CCDC158: variants seen among roughly 807,000 people sequenced by gnomAD.
The protein encoded by CCDC158 is coiled-coil domain containing 158.
Under a neutral mutation model 138.6 loss-of-function variants are expected in CCDC158, and 116 were observed. That is an observed-to-expected ratio of 0.84 (90% CI 0.72 to 0.98). The LOEUF is 0.98. Among genes scored for constraint, CCDC158 ranks in the 50% least tolerant of loss-of-function variants. The pLI, the probability that CCDC158 is intolerant of heterozygous loss-of-function variation, is 0.00. For missense variants in CCDC158, 1,265 were observed against 1,306.1 expected (o/e 0.97, Z 0.48); for synonymous variants, 436 against 442.4 (o/e 0.99, Z 0.18).
intron 4 of CCDC158, among the ~76,000 whole-genome samples, chr4:76,391,861 A>G (rs1156717002): frequency 6.6e-6 from 1 of 152,036 alleles, no homozygotes; most frequent in Non-Finnish European, 1.5e-5. Flanking sequence ...ATAAATTCAA[A>G]GGATAATTTG....
intron 24 of CCDC158, among the ~76,000 whole-genome samples, chr4:76,320,799 C>A (rs1363913105): frequency 6.6e-6 from 1 of 152,114 alleles, no homozygotes; most frequent in African/African-American, 2.4e-5. Context: ...GACCTGAAAC[C>A]ACAAAAATTC....
intron 18 of CCDC158, among the ~76,000 whole-genome samples, chr4:76,338,487 G>C (rs1721752678): frequency 6.6e-6 from 1 of 152,178 alleles, no homozygotes; most frequent in African/African-American, 2.4e-5. Flanking sequence ...ATTCCAGCCT[G>C]AGCAACAGAG....
intron 12 of CCDC158, among the ~76,000 whole-genome samples, chr4:76,362,964 G>A (rs1350738101): frequency 6.6e-6 from 1 of 152,172 alleles, no homozygotes; most frequent in African/African-American, 2.4e-5. Context: ...TGTGCAGAAA[G>A]AGTTCACATA....
At chr4:76,328,840 C>T (rs918931068) in intron 22 of CCDC158, 60 bp downstream of exon 22, 1 of 1,394,354 alleles carries the variant, frequency 7.2e-7, no homozygotes, top group Non-Finnish European at 1.0e-6. Context: ...TTGGCTTTTA[C>T]CCTCGTGGAA....
At chr4:76,338,038 G>A (rs969107896) in intron 18 of CCDC158, among the ~76,000 whole-genome samples, 3 of 152,206 alleles carry the variant, frequency 2.0e-5, no homozygotes, top group Non-Finnish European at 4.4e-5. Context: ...TACCGTCTGA[G>A]CTCCACCTCC....
At chr4:76,403,004 C>T (rs1279067085) in intron 3 of CCDC158, 134 bp downstream of exon 3, 7 of 633,330 alleles carry the variant, frequency 1.1e-5, no homozygotes, top group Non-Finnish European at 1.6e-5. Context: ...GAATTATAAA[C>T]AATATGGTAG....
At chr4:76,404,600 C>G (rs1728667881) in intron 2 of CCDC158, among the ~76,000 whole-genome samples, 1 of 152,010 alleles carries the variant, frequency 6.6e-6, no homozygotes, top group African/African-American at 2.4e-5. Context: ...AAATAAAAAA[C>G]AAAACTATAT....
intron 3 of CCDC158, among the ~76,000 whole-genome samples, chr4:76,402,472 C>G (rs1259033457): frequency 2.0e-5 from 3 of 152,210 alleles, no homozygotes; most frequent in African/African-American, 7.2e-5. Flanking sequence ...CTTGCAACAG[C>G]TGCTTTTCTC....
chr4:76,386,124 G>C (rs1424615296), intron 4 of CCDC158, among the ~76,000 whole-genome samples: 1 of 152,204 alleles, frequency 6.6e-6, no homozygotes, highest in Non-Finnish European at 1.5e-5. Context: ...GAAGCAGATC[G>C]AGAAAGAAGA....
chr4:76,376,040 C>A (rs1443501188), intron 9 of CCDC158, among the ~76,000 whole-genome samples: 2 of 151,574 alleles, frequency 1.3e-5, no homozygotes, highest in Non-Finnish European at 2.9e-5. Flanking sequence ...TATTAGTTTC[C>A]TTTCACACAA....
At chr4:76,350,217 C>A (rs1014101777) in intron 18 of CCDC158, among the ~76,000 whole-genome samples, 3 of 152,148 alleles carry the variant, frequency 2.0e-5, no homozygotes, top group Non-Finnish European at 4.4e-5. Flanking sequence ...TGATAGACTA[C>A]TCTTTGTTGT....
chr4:76,375,732 C>T (rs933380680), intron 9 of CCDC158: 25 of 644,984 alleles, frequency 3.9e-5, no homozygotes, highest in Admixed American at 2.1e-4. Context: ...GAATAGAAAA[C>T]AGCATTACAG....
intron 24 of CCDC158, among the ~76,000 whole-genome samples, chr4:76,322,162 A>T (rs932957980): frequency 6.6e-6 from 1 of 151,964 alleles, no homozygotes; most frequent in East Asian, 1.9e-4. Flanking sequence ...AAATGCTAAA[A>T]CCCCACAAAT....
At chr4:76,331,181 C>G (rs1720971316) in intron 21 of CCDC158, among the ~76,000 whole-genome samples, 163 bp downstream of exon 21, 1 of 152,134 alleles carries the variant, frequency 6.6e-6, no homozygotes, top group Non-Finnish European at 1.5e-5. Flanking sequence ...ACAGACTTCA[C>G]GATTGTAAGC....
At chr4:76,316,545 C>A (rs1719406268) in intron 24 of CCDC158, among the ~76,000 whole-genome samples, 1 of 152,000 alleles carries the variant, frequency 6.6e-6, no homozygotes, top group African/African-American at 2.4e-5. Flanking sequence ...TTTAAGGGAA[C>A]AATTGAGGAA....
chr4:76,316,923 A>AAAG (rs57553907), intron 24 of CCDC158, among the ~76,000 whole-genome samples: 1 of 148,108 alleles, frequency 6.8e-6, no homozygotes, highest in African/African-American at 2.5e-5. Context: ...AAAAAAAAAA[A>AAAG]TGCTGAGAGA....
chr4:76,369,098 C>G (rs529186978), intron 11 of CCDC158, among the ~76,000 whole-genome samples: 124 of 151,928 alleles, frequency 8.2e-4, no homozygotes, highest in African/African-American at 3.0e-3. Flanking sequence ...GCCTGTAATC[C>G]CAGCTACTTG....
At chr4:76,414,739 T>G (rs1729559014) in intron 1 of CCDC158, among the ~76,000 whole-genome samples, 3 of 152,220 alleles carry the variant, frequency 2.0e-5, no homozygotes, top group African/African-American at 7.2e-5. Context: ...TTCTTCATTT[T>G]CTCTTGCTGC....
At position 76,382,705 on chromosome 4, in the gene CCDC158, TA is replaced by T; in HGVS notation, c.818del (p.Ile273LysfsTer8). 1 of 1,609,602 alleles carries T rather than the reference TA, an allele frequency of 6.2e-7. No homozygotes were observed. Among genetic ancestry groups the T allele is most frequent in the Non-Finnish European group, 8.5e-7 (1 of 1,176,224 alleles). On this transcript the variant is annotated frameshift_variant, in exon 8 of 25. Transcript: ENST00000682701. LOFTEE classifies it high-confidence loss of function. ...CTGTTATTTCAACTTCATGTTCACT[TA>T]TTAACTGCTCAATCCTATAAAAAGA... ...QQHQDRIEQL[I>X]SEHEVEITGL...
Sources: allele counts gnomAD v4.1 joint callset (sites outside exome capture counted in the v4.1 genomes callset), GRCh38; gene constraint gnomAD v4.1.1; transcripts MANE v1.5; gene names NCBI Gene and HGNC (gene_info 2026-07-23, HGNC 2026-07-21).